DENND6B: variants seen among roughly 807,000 people sequenced by gnomAD.
The protein encoded by DENND6B is protein DENND6B.
Under a neutral mutation model 85.1 loss-of-function variants are expected in DENND6B, and 73 were observed. The ratio of observed to expected loss-of-function variants is 0.86; its 90% confidence interval spans 0.71 to 1.04. DENND6B has a LOEUF of 1.04. Among genes scored for constraint, DENND6B ranks in the 50% least tolerant of loss-of-function variants. The probability of loss-of-function intolerance (pLI) is 0.00; values close to 1 mark genes in which losing one functional copy is unlikely to be tolerated. For synonymous variants in DENND6B, 357 were observed against 329.3 expected, an observed-to-expected ratio of 1.08 and a Z score of -0.91; for missense variants, 715 against 785.8, an observed-to-expected ratio of 0.91 and a Z score of 1.08.
Position 50,314,391 on chromosome 22 carries a change from G to C in DENND6B, c.1072+9C>G, listed in dbSNP as rs753727029. ...AGCAGCACCCCCTGCACCTCACCGG[G>C]AGCCTGACCTGACATCTTGGGCTCC... On this transcript the variant is annotated intron_variant, in intron 12 of 19. Coordinates refer to ENST00000413817, the MANE Select transcript of DENND6B (RefSeq NM_001001794.4). 5 of 1,563,418 alleles carry C rather than the reference G, an allele frequency of 3.2e-6. No homozygotes were observed. In the East Asian group the frequency reaches 9.5e-5, roughly 30 times the overall value.
intron 1 of DENND6B, among the ~76,000 whole-genome samples, chr22:50,321,170 T>C (rs2042030783): frequency 1.3e-5 from 2 of 152,024 alleles, no homozygotes; most frequent in Admixed American, 1.3e-4. Context: ...CAGGGAGCGG[T>C]TCCCAAGGTA....
chr22:50,313,789 A>G (rs2068134227), intron 14 of DENND6B, 25 bp downstream of exon 14: 5 of 1,610,992 alleles, frequency 3.1e-6, no homozygotes, highest in Non-Finnish European at 2.5e-6. Context: ...CTGCGTCCCC[A>G]GCCCCTGCCC....
Position 50,325,101 on chromosome 22 carries a change from T to C in DENND6B, c.177+1711A>G, listed in dbSNP as rs754478692. On this transcript the variant is annotated intron_variant, in intron 1 of 19. Coordinates refer to ENST00000413817, the MANE Select transcript of DENND6B (RefSeq NM_001001794.4). The stretch of plus-strand genomic sequence containing the variant: ...AGGCCCCGGTGGATCCACTGCCAGG[T>C]TTCTGCACAGACTCAGTGATCTGCA... 6.6e-4 allele frequency among the ~76,000 whole-genome samples: 101 copies of C among 152,054 alleles called. 1 individual carries two copies. The highest frequency in any genetic ancestry group is 3.4e-3 in the Middle Eastern group (1 of 294).
intron 3 of DENND6B, among the ~76,000 whole-genome samples, chr22:50,318,408 C>T (rs1370536817): frequency 3.3e-5 from 5 of 152,202 alleles, no homozygotes; most frequent in African/African-American, 9.7e-5. Flanking sequence ...GGCTCCTATT[C>T]TGACTTCTGT....
intron 1 of DENND6B, among the ~76,000 whole-genome samples, chr22:50,325,208 C>T (rs368098247): frequency 9.9e-5 from 15 of 152,190 alleles, no homozygotes; most frequent in African/African-American, 3.4e-4. Context: ...GCCCCTAGTC[C>T]GAGCTGAGCA....
At chr22:50,315,834 C>T in intron 8 of DENND6B, 65 bp from the exon 9 acceptor site, 2 of 1,478,622 alleles carry the variant, frequency 1.4e-6, no homozygotes, top group South Asian at 1.4e-5. Flanking sequence ...CCCAAGCAGC[C>T]CCTGCCTCAC....
rs537118220 is a variant in DENND6B at position 50,312,257 on chromosome 22, C to T, written c.1640G>A (p.Arg547Gln). Residue 547 changes from arginine to glutamine, a missense_variant, in exon 20 of 20, where the codon CGG becomes CAG. By Grantham distance (43) the Arg-to-Gln change is conservative. Coordinates refer to ENST00000413817, the MANE Select transcript of DENND6B (RefSeq NM_001001794.4). The stretch of plus-strand genomic sequence containing the variant: ...CACAGGGAGCTGGTGGCCCTGAGCC[C>T]GCACCTGGAGGGGCAGCCATGGTCA... ...LVLKLREKLV[R>Q]AQGHQLPVKE... is the part of the protein sequence containing the mutation. The T allele has an allele frequency of 1.9e-5, 31 of 1,611,928 alleles. No homozygotes were observed. Among genetic ancestry groups the T allele is most frequent in the African/African-American group, 5.3e-5 (4 of 74,974 alleles).
chr22:50,325,686 G>A (rs1172120843), intron 1 of DENND6B, among the ~76,000 whole-genome samples: 3 of 152,176 alleles, frequency 2.0e-5, no homozygotes, highest in Non-Finnish European at 4.4e-5. Context: ...CTGGGCAACA[G>A]TATTGAACTA....
chr22:50,316,109 T>A (rs1391827102), intron 7 of DENND6B, 22 bp from the exon 8 acceptor site: 2 of 1,612,686 alleles, frequency 1.2e-6, no homozygotes. Context: ...AGGGAGCAGC[T>A]GCCAGAGGGA....
intron 16 of DENND6B, 58 bp downstream of exon 16, chr22:50,313,388 G>T: frequency 1.3e-6 from 2 of 1,514,866 alleles, no homozygotes; most frequent in South Asian, 1.3e-5. Context: ...TCCCTCCTCC[G>T]GGTGAGGAAG....
chr22:50,319,137 GC>G, intron 1 of DENND6B, 134 bp from the exon 2 acceptor site: 1 of 1,535,746 alleles, frequency 6.5e-7, no homozygotes. Flanking sequence ...TGCCCAAGGT[GC>G]TGGCTCGCCC....
At position 50,311,250 on chromosome 22, in the gene DENND6B, G is replaced by A. The variant is rs1009222071; in HGVS notation, c.*889C>T. 3 of 152,228 alleles carry A rather than the reference G, an allele frequency of 2.0e-5. No homozygotes were observed. The highest frequency in any genetic ancestry group is 1.9e-4 in the East Asian group (1 of 5,194). The allele number at this position is 152,228 out of a possible 1,614,324, so 9.4% of individuals were successfully genotyped here. ...CGGCCTCAGTGCCTGCAGGTGTCAC[G>A]GGGGGAGCATACAACCCAGAGGTGG... On this transcript the variant is annotated 3_prime_UTR_variant, in exon 20 of 20. Transcript: ENST00000413817.
Position 50,313,398 on chromosome 22 carries a change from G to A in DENND6B, c.1347+48C>T, listed in dbSNP as rs1221544485. On this transcript the variant is annotated intron_variant, in intron 16 of 19. Coordinates refer to ENST00000413817, the MANE Select transcript of DENND6B (RefSeq NM_001001794.4). ...GACCTTCCCTCCTCCGGGTGAGGAA[G>A]GGAACCCGCCCTCCATGGACCCCAC... 3 of 1,529,762 alleles carry A rather than the reference G, an allele frequency of 2.0e-6. No individual in the cohort carries two copies. The African/African-American group carries it at 4.2e-5, about 21-fold the overall frequency. 94.8% of individuals were successfully genotyped at this position (1,529,762 alleles called of 1,614,324 possible). A position where few individuals can be genotyped will look rare whatever the true frequency, so the allele number is the denominator to read the frequency against.
Position 50,317,896 on chromosome 22 carries a change from C to A in DENND6B, c.372+12G>T. ...GGGGAGAAGCAGGCCAGAGACGCAG[C>A]CCAGTGCTCACCTGCAGTGCCACAG... On this transcript the variant is annotated intron_variant, in intron 4 of 19. Coordinates refer to ENST00000413817, the MANE Select transcript of DENND6B (RefSeq NM_001001794.4). 1 of 1,602,808 alleles carries A rather than the reference C, an allele frequency of 6.2e-7. No individual in the cohort carries two copies. The highest frequency in any genetic ancestry group is 8.5e-7 in the Non-Finnish European group (1 of 1,178,120).
intron 1 of DENND6B, among the ~76,000 whole-genome samples, chr22:50,323,094 C>T (rs1246087382): frequency 1.5e-5 from 2 of 130,562 alleles, no homozygotes; most frequent in East Asian, 4.8e-4. Flanking sequence ...GTCTTGATCT[C>T]CTGACCTCGT....
intron 15 of DENND6B, 28 bp from the exon 16 acceptor site, chr22:50,313,527 C>T (rs1208728937): frequency 1.3e-6 from 2 of 1,539,778 alleles, no homozygotes. Context: ...GGGAGTGAGC[C>T]CGGGGACCCA....
rs748303596 is a variant in DENND6B, at chr22:50,312,172, G to C, written c.1725C>G (p.Pro575=). 1.9e-6 allele frequency: 3 copies of C among 1,612,526 alleles called. No individual in the cohort carries two copies. The South Asian group carries it at 3.3e-5, about 18-fold the overall frequency. The change falls in exon 20 of 20, where the codon CCC becomes CCG. Residue 575 remains proline (P), a synonymous_variant. Coordinates refer to ENST00000413817, the MANE Select transcript of DENND6B (RefSeq NM_001001794.4). ...LYIETVIGSL[P]KDLQAVLCPP is the part of the protein sequence containing the mutation. ...GGCACAAGACAGCCTGCAGGTCTTTGGGCAGGGAGCCGATGACCGTCTCGA... is the reference window on the plus strand; with the variant it reads ...GGCACAAGACAGCCTGCAGGTCTTTCGGCAGGGAGCCGATGACCGTCTCGA...
chr22:50,312,424 G>C lies in DENND6B; in HGVS notation c.1561-7C>G, dbSNP rs1360741568. 6.2e-7 allele frequency: 1 copy of C among 1,609,072 alleles called. No homozygotes were observed. The highest frequency in any genetic ancestry group is 1.1e-5 in the South Asian group (1 of 90,236). ...TCATCCAGGTCTCGATGTTCTGCAGGGCAAGACGGGGTCTACTGTCAGCAA... is the reference window on the plus strand; with the variant it reads ...TCATCCAGGTCTCGATGTTCTGCAGCGCAAGACGGGGTCTACTGTCAGCAA... On this transcript the variant is annotated splice_region_variant and splice_polypyrimidine_tract_variant and intron_variant, in intron 18 of 19. Transcript: ENST00000413817.
intron 4 of DENND6B, 120 bp from the exon 5 acceptor site, chr22:50,317,493 GGCT>G: frequency 8.6e-7 from 1 of 1,157,432 alleles, no homozygotes. Context: ...AGAACCAGGA[GGCT>G]CCTGGAGCTG....
Sources: allele counts gnomAD v4.1 joint callset (sites outside exome capture counted in the v4.1 genomes callset), GRCh38; gene constraint gnomAD v4.1.1; transcripts MANE v1.5; gene names NCBI Gene and HGNC (gene_info 2026-07-23, HGNC 2026-07-21).